The following ZBTB7C variants were observed in gnomAD, a reference collection of about 807,000 sequenced individuals.
ZBTB7C encodes the protein zinc finger and BTB domain containing 7C, also known as zinc finger and BTB domain-containing protein 7C.
A neutral mutation model predicts 25.7 loss-of-function variants in ZBTB7C; 8 were observed. The observed-to-expected ratio is 0.31, with a 90% CI of 0.18 to 0.56. ZBTB7C has a LOEUF of 0.56. ZBTB7C is among the 20% of genes least tolerant of loss of function. The probability of loss-of-function intolerance (pLI) is 0.91; values close to 1 mark genes in which losing one functional copy is unlikely to be tolerated. For missense variants in ZBTB7C, 824 were observed against 855.2 expected (o/e 0.96, Z 0.46); for synonymous variants, 394 against 369.0 (o/e 1.07, Z -0.78).
intron 3 of ZBTB7C, among the ~76,000 whole-genome samples, chr18:48,053,035 A>C (rs1208558098): frequency 1.3e-5 from 2 of 152,170 alleles, no homozygotes; most frequent in African/African-American, 2.4e-5. Context: ...ACATGTGAAC[A>C]CACGTTGGAC....
In ZBTB7C at chr18:48,186,647, TGA is replaced by T. The variant is rs563017810; in HGVS notation, c.-78-654_-78-653del. 4.6e-3 allele frequency among the ~76,000 whole-genome samples: 708 copies of T among 152,280 alleles called. 7 individuals carry two copies. Among genetic ancestry groups the T allele is most frequent in the African/African-American group, 0.016 (673 of 41,564 alleles). ...ACTGTGAATTCTCCTGCATTTCGCC[TGA>T]GTGTGTCATCACTGTAAAGTGTTGC... On this transcript the variant is annotated intron_variant, in intron 2 of 4. Coordinates refer to ENST00000590800, the MANE Select transcript of ZBTB7C (RefSeq NM_001318841.2).
chr18:48,103,580 T>C (rs781578506), intron 3 of ZBTB7C, among the ~76,000 whole-genome samples: 8 of 152,210 alleles, frequency 5.3e-5, no homozygotes, highest in Admixed American at 1.3e-4. Context: ...ATCTCACTCC[T>C]AGGTGCACAC....
intron 1 of ZBTB7C, among the ~76,000 whole-genome samples, chr18:48,390,536 T>G (rs963227725): frequency 6.6e-6 from 1 of 152,062 alleles, no homozygotes; most frequent in Non-Finnish European, 1.5e-5. Flanking sequence ...TCCCAAGAGG[T>G]AACACTTGGA....
At chr18:48,246,898 C>A (rs1357286694) in intron 2 of ZBTB7C, among the ~76,000 whole-genome samples, 1 of 152,012 alleles carries the variant, frequency 6.6e-6, no homozygotes, top group Non-Finnish European at 1.5e-5. Flanking sequence ...ATAGAGGGGG[C>A]TAGACTGAGC....
At chr18:48,128,003 G>A (rs969086514) in intron 3 of ZBTB7C, among the ~76,000 whole-genome samples, 1 of 152,178 alleles carries the variant, frequency 6.6e-6, no homozygotes, top group African/African-American at 2.4e-5. Context: ...GGAGGACCCC[G>A]TAAGCTCCAT....
intron 2 of ZBTB7C, among the ~76,000 whole-genome samples, chr18:48,289,893 A>T (rs1318325431): frequency 6.6e-6 from 1 of 152,202 alleles, no homozygotes; most frequent in Admixed American, 6.5e-5. Context: ...CATCCGAGAC[A>T]GATACAACGT....
At chr18:48,398,856 C>T (rs559963602) in intron 1 of ZBTB7C, among the ~76,000 whole-genome samples, 21 of 152,296 alleles carry the variant, frequency 1.4e-4, no homozygotes, top group African/African-American at 5.1e-4. Flanking sequence ...ATTTATTCTA[C>T]CTTAATCCTT....
chr18:48,246,908 C>A (rs934866805), intron 2 of ZBTB7C, among the ~76,000 whole-genome samples: 1 of 151,976 alleles, frequency 6.6e-6, no homozygotes, highest in Non-Finnish European at 1.5e-5. Flanking sequence ...CTAGACTGAG[C>A]GGACCATGAG....
chr18:48,374,575 C>G (rs2047470682), intron 1 of ZBTB7C, among the ~76,000 whole-genome samples: 1 of 152,230 alleles, frequency 6.6e-6, no homozygotes. Flanking sequence ...CTTTTGGTCC[C>G]TCTCTTCCCC....
intron 3 of ZBTB7C, among the ~76,000 whole-genome samples, chr18:48,143,009 T>G (rs897080688): frequency 6.6e-6 from 1 of 152,206 alleles, no homozygotes; most frequent in Non-Finnish European, 1.5e-5. Flanking sequence ...GACCTTCTTC[T>G]AGCAGGGGAA....
At chr18:48,337,354 C>T (rs757295190) in intron 2 of ZBTB7C, among the ~76,000 whole-genome samples, 1 of 152,184 alleles carries the variant, frequency 6.6e-6, no homozygotes. Flanking sequence ...CCTCATATGA[C>T]GCACACAGCA....
intron 2 of ZBTB7C, among the ~76,000 whole-genome samples, chr18:48,227,531 T>C (rs1386476196): frequency 6.6e-6 from 1 of 152,212 alleles, no homozygotes; most frequent in Non-Finnish European, 1.5e-5. Flanking sequence ...TTGCTCTTAG[T>C]CTCCCTTTGC....
chr18:48,070,419 G>T (rs1165513390), intron 3 of ZBTB7C, among the ~76,000 whole-genome samples: 1 of 152,176 alleles, frequency 6.6e-6, no homozygotes, highest in Non-Finnish European at 1.5e-5. Context: ...GAAAAGGATT[G>T]GTGCTATCTT....
intron 3 of ZBTB7C, among the ~76,000 whole-genome samples, chr18:48,090,007 G>A (rs563207292): frequency 2.5e-4 from 38 of 152,352 alleles, no homozygotes; most frequent in Non-Finnish European, 4.6e-4. Context: ...AGTGTGGTCC[G>A]TGGCAGGGCA....
intron 1 of ZBTB7C, among the ~76,000 whole-genome samples, chr18:48,384,284 T>A (rs1271259269): frequency 6.6e-6 from 1 of 152,230 alleles, no homozygotes; most frequent in Non-Finnish European, 1.5e-5. Context: ...GAAGTGTACT[T>A]GGCAAGCATA....
chr18:48,399,351 C>T (rs919246258), intron 1 of ZBTB7C, among the ~76,000 whole-genome samples: 1 of 152,036 alleles, frequency 6.6e-6, no homozygotes, highest in African/African-American at 2.4e-5. Context: ...TTGACCTATT[C>T]GGAAAAATTA....
At chr18:48,315,251 A>C (rs907458204) in intron 2 of ZBTB7C, among the ~76,000 whole-genome samples, 18 of 152,204 alleles carry the variant, frequency 1.2e-4, no homozygotes, top group Non-Finnish European at 2.6e-4. Context: ...CTGGGGGTAA[A>C]TTGGCAAACC....
chr18:48,234,520 G>A (rs76658576), intron 2 of ZBTB7C, among the ~76,000 whole-genome samples: 1,622 of 152,292 alleles, frequency 0.011, 9 homozygotes, highest in Non-Finnish European at 0.016. Flanking sequence ...ATGCGTGTGT[G>A]TGTGTGTGTA....
At chr18:48,327,656 G>A (rs2046251770) in intron 2 of ZBTB7C, among the ~76,000 whole-genome samples, 1 of 152,154 alleles carries the variant, frequency 6.6e-6, no homozygotes, top group South Asian at 2.1e-4. Context: ...AAGAATCGCT[G>A]GAGATGAGAG....
Sources: allele counts gnomAD v4.1 joint callset (sites outside exome capture counted in the v4.1 genomes callset), GRCh38; gene constraint gnomAD v4.1.1; transcripts MANE v1.5; gene names NCBI Gene and HGNC (gene_info 2026-07-23, HGNC 2026-07-21).